Variants in HS6ST3 observed in about 807,000 individuals in gnomAD.
HS6ST3 encodes heparan-sulfate 6-O-sulfotransferase 3.
A neutral mutation model predicts 36.7 loss-of-function variants in HS6ST3; 12 were observed. That is an observed-to-expected ratio of 0.33 (90% CI 0.21 to 0.53). HS6ST3 has a LOEUF of 0.53. Ranked by LOEUF, HS6ST3 falls within the 20% of genes least tolerant of loss-of-function variation. The pLI is 0.95. For missense variants in HS6ST3, 584 were observed against 640.9 expected (o/e 0.91, Z 0.96); for synonymous variants, 240 against 257.5 (o/e 0.93, Z 0.65).
intron 1 of HS6ST3, among the ~76,000 whole-genome samples, chr13:96,372,433 C>T (rs762937912): frequency 9.2e-5 from 14 of 151,926 alleles, no homozygotes; most frequent in Admixed American, 2.6e-4. Flanking sequence ...CTTGGGTTCT[C>T]TTTTTATTTT....
chr13:96,492,224 T>A (rs1455445194), intron 1 of HS6ST3, among the ~76,000 whole-genome samples: 1 of 152,196 alleles, frequency 6.6e-6, no homozygotes, highest in Non-Finnish European at 1.5e-5. Flanking sequence ...TTCTCTCTGC[T>A]TTTGCTGCTA....
rs376460039 is a variant in HS6ST3, at chr13:96,788,091, T to C, written c.708-44399T>C. On this transcript the variant is annotated intron_variant, in intron 1 of 1. Transcript: ENST00000376705. ...TGTGCAGATCTATTTCTGGGTTCTA[T>C]GTTATGTTTCATTTCTATCCCTTTG... Among the ~76,000 whole-genome samples, 6 of 151,976 alleles carry C rather than the reference T, an allele frequency of 3.9e-5. 1 individual carries two copies. In the East Asian group the frequency reaches 7.7e-4, roughly 20 times the overall value.
chr13:96,451,645 G>A (rs111652263), intron 1 of HS6ST3, among the ~76,000 whole-genome samples: 39 of 152,150 alleles, frequency 2.6e-4, no homozygotes, highest in African/African-American at 8.2e-4. Context: ...GTACAGTTTT[G>A]TCCTTCTAGG....
At chr13:96,719,965 G>A (rs1176893811) in intron 1 of HS6ST3, among the ~76,000 whole-genome samples, 4 of 152,104 alleles carry the variant, frequency 2.6e-5, no homozygotes, top group Non-Finnish European at 4.4e-5. Context: ...GTTAAAGGGG[G>A]TGCTGTCTCA....
chr13:96,258,961 A>G (rs1291824459), intron 1 of HS6ST3, among the ~76,000 whole-genome samples: 1 of 152,120 alleles, frequency 6.6e-6, no homozygotes, highest in Non-Finnish European at 1.5e-5. Context: ...TCTCACTCTA[A>G]CTGGGGAGAG....
At chr13:96,273,297 A>G (rs2054730393) in intron 1 of HS6ST3, among the ~76,000 whole-genome samples, 1 of 151,978 alleles carries the variant, frequency 6.6e-6, no homozygotes, top group Non-Finnish European at 1.5e-5. Context: ...CTTATAGTCC[A>G]GGGCATTTAA....
chr13:96,735,976 C>A (rs749824293), intron 1 of HS6ST3, among the ~76,000 whole-genome samples: 2 of 152,070 alleles, frequency 1.3e-5, no homozygotes, highest in Non-Finnish European at 2.9e-5. Context: ...AACAGAAAAC[C>A]AAATATGGCA....
chr13:96,634,964 G>A (rs529005037), intron 1 of HS6ST3, among the ~76,000 whole-genome samples: 2 of 152,114 alleles, frequency 1.3e-5, no homozygotes, highest in Admixed American at 6.5e-5. Flanking sequence ...AGTACTTCAA[G>A]CCACTCACTT....
chr13:96,390,348 G>A (rs1164262187), intron 1 of HS6ST3, among the ~76,000 whole-genome samples: 1 of 152,168 alleles, frequency 6.6e-6, no homozygotes, highest in Non-Finnish European at 1.5e-5. Flanking sequence ...AATCGACAAC[G>A]TGATGGGACT....
chr13:96,605,715 A>G (rs2138985012), intron 1 of HS6ST3, among the ~76,000 whole-genome samples: 1 of 152,266 alleles, frequency 6.6e-6, no homozygotes. Flanking sequence ...TTAATTTCAA[A>G]TGGTTCAATA....
chr13:96,417,094 T>G (rs2055537465), intron 1 of HS6ST3, among the ~76,000 whole-genome samples: 1 of 152,210 alleles, frequency 6.6e-6, no homozygotes, highest in Admixed American at 6.5e-5. Flanking sequence ...TCAGAAATTC[T>G]TAGCAAGGGA....
At chr13:96,654,210 T>C (rs1026407822) in intron 1 of HS6ST3, among the ~76,000 whole-genome samples, 1 of 152,222 alleles carries the variant, frequency 6.6e-6, no homozygotes, top group Non-Finnish European at 1.5e-5. Flanking sequence ...CTCTTTAGTT[T>C]AATTAGATCC....
chr13:96,439,395 A>G (rs2055659043), intron 1 of HS6ST3, among the ~76,000 whole-genome samples: 1 of 152,248 alleles, frequency 6.6e-6, no homozygotes, highest in South Asian at 2.1e-4. Flanking sequence ...TGTCACGTAG[A>G]AATAAAATGC....
At chr13:96,347,477 G>T (rs1055549545) in intron 1 of HS6ST3, among the ~76,000 whole-genome samples, 8 of 152,276 alleles carry the variant, frequency 5.3e-5, no homozygotes, top group East Asian at 3.9e-4. Context: ...GGGTGAAAGC[G>T]CCCTTGTGTG....
intron 1 of HS6ST3, among the ~76,000 whole-genome samples, chr13:96,343,231 C>A (rs1303630573): frequency 3.3e-5 from 5 of 152,174 alleles, no homozygotes; most frequent in Non-Finnish European, 7.3e-5. Context: ...TAGTATCAAA[C>A]AAAACAGATG....
At chr13:96,796,299 AT>A (rs1877905443) in intron 1 of HS6ST3, among the ~76,000 whole-genome samples, 1 of 152,074 alleles carries the variant, frequency 6.6e-6, no homozygotes, top group African/African-American at 2.4e-5. Context: ...CGATAAACAG[AT>A]CTTGGCAATA....
intron 1 of HS6ST3, among the ~76,000 whole-genome samples, chr13:96,602,247 T>A (rs956953432): frequency 5.3e-5 from 8 of 152,242 alleles, no homozygotes; most frequent in African/African-American, 1.4e-4. Context: ...AGTTATTTTT[T>A]AATTCTTTAT....
chr13:96,399,325 C>T (rs920894316), intron 1 of HS6ST3, among the ~76,000 whole-genome samples: 1 of 152,104 alleles, frequency 6.6e-6, no homozygotes, highest in African/African-American at 2.4e-5. Flanking sequence ...CCCTTTTAGA[C>T]TCAAAGAGAC....
At position 96,091,104 on chromosome 13, in the gene HS6ST3, G is replaced by T; in HGVS notation, c.242G>T (p.Gly81Val). 7.2e-7 allele frequency: 1 copy of T among 1,393,404 alleles called. No individual in the cohort carries two copies. Among genetic ancestry groups the T allele is most frequent in the Non-Finnish European group, 9.3e-7 (1 of 1,079,862 alleles). 86.3% of individuals were successfully genotyped at this position (1,393,404 alleles called of 1,614,324 possible). ...LPPPPRGPPEGPRGAAAPEEE... is the reference protein window; with the variant it reads ...LPPPPRGPPEVPRGAAAPEEE... ...CCGCCGCCCCGGGGGCCCCCCGAGG[G>T]ACCTCGGGGGGCCGCGGCGCCGGAG... The change falls in exon 1 of 2, where the codon GGA (glycine) becomes GTA (valine). Residue 81 changes from glycine (G) to valine (V), a missense_variant. Physicochemically the swap from Gly to Val is moderately radical, Grantham distance 109. Around this residue, in one of 3 missense-constraint regions of HS6ST3, gnomAD observed 217 missense variants for 205.4 expected, o/e 1.06. Coordinates refer to ENST00000376705, the MANE Select transcript of HS6ST3 (RefSeq NM_153456.4).
Sources: gnomAD v4.1 joint callset for allele counts (sites outside exome capture counted in the v4.1 genomes callset) on GRCh38, gnomAD v4.1.1 for gene constraint, gnomAD v4.1.1 regional missense constraint, MANE v1.5 for transcripts, NCBI Gene and HGNC (gene_info 2026-07-23, HGNC 2026-07-21) for gene names.